The following HIVEP1 variants were observed in gnomAD, a reference collection of about 807,000 sequenced individuals.
The protein encoded by HIVEP1 is zinc finger protein 40.
Under a neutral mutation model 180.0 loss-of-function variants are expected in HIVEP1, and 36 were observed. That is an observed-to-expected ratio of 0.20 (90% CI 0.15 to 0.26). The LOEUF (loss-of-function observed/expected upper bound fraction) is 0.26, where lower values mean the gene tolerates loss of function less well. Ranked by LOEUF, HIVEP1 falls within the 10% of genes least tolerant of loss-of-function variation. The probability of loss-of-function intolerance (pLI) is 1.00; values close to 1 mark genes in which losing one functional copy is unlikely to be tolerated. For synonymous variants in HIVEP1, 1,239 were observed against 1,239.0 expected (o/e 1.00, Z 0.00); for missense variants, 3,143 against 3,268.7 (o/e 0.96, Z 0.94).
At chr6:12,046,478 GA>G (rs1561885249) in intron 2 of HIVEP1, among the ~76,000 whole-genome samples, 1 of 152,242 alleles carries the variant, frequency 6.6e-6, no homozygotes, top group East Asian at 1.9e-4. Flanking sequence ...GCAGACACTG[GA>G]GTTAGAATCC....
intron 2 of HIVEP1, among the ~76,000 whole-genome samples, chr6:12,049,958 C>T (rs966307239): frequency 6.6e-6 from 1 of 152,102 alleles, no homozygotes; most frequent in Non-Finnish European, 1.5e-5. Context: ...ATGTCACTTT[C>T]TGGGGTGTTG....
chr6:12,191,329 C>T, the HIVEP1 span, among the ~76,000 whole-genome samples: 6 of 152,170 alleles, frequency 3.9e-5, no homozygotes, highest in Admixed American at 2.0e-4. Flanking sequence ...GTGGCTCACA[C>T]CTCTAATCCC....
intron 2 of HIVEP1, among the ~76,000 whole-genome samples, chr6:12,027,716 T>G (rs868335915): frequency 2.0e-4 from 31 of 152,168 alleles, no homozygotes; most frequent in Admixed American, 1.1e-3. Flanking sequence ...CCCCTGTGAG[T>G]GGAGTGCCAG....
intron 3 of HIVEP1, among the ~76,000 whole-genome samples, chr6:12,108,489 T>C (rs1774622917): frequency 6.6e-6 from 1 of 151,808 alleles, no homozygotes; most frequent in Non-Finnish European, 1.5e-5. Flanking sequence ...ACGGAGGGGG[T>C]GGGAGGCTCA....
At chr6:12,008,229 G>GC (rs1031844683), upstream of HIVEP1, 2 of 152,200 alleles carry the variant, frequency 1.3e-5, no homozygotes, top group African/African-American at 4.8e-5. Flanking sequence ...TGTATGGAAA[G>GC]CATGTTATAG....
chr6:12,163,879 G>C lies in HIVEP1; in HGVS notation c.7575G>C (p.Leu2525=), dbSNP rs1204261636. The part of the protein sequence containing the change: ...LALNAVGLQV[L]TANPSSQSSP... Reference sequence around the variant, plus strand: ...TGAATGCTGTCGGACTGCAGGTTCTGACTGCAAACCCTTCATCACAAAGCA... The same window carrying C: ...TGAATGCTGTCGGACTGCAGGTTCTCACTGCAAACCCTTCATCACAAAGCA... Residue 2525 remains leucine (L), a synonymous_variant, in exon 9 of 9, where the codon CTG becomes CTC. Coordinates refer to ENST00000379388, the MANE Select transcript of HIVEP1 (RefSeq NM_002114.4). The C allele has an allele frequency of 6.2e-7, 1 of 1,614,040 alleles. No individual in the cohort carries two copies. The highest frequency in any genetic ancestry group is 8.5e-7 in the Non-Finnish European group (1 of 1,180,040).
Position 12,125,689 on chromosome 6 carries a change from A to C in HIVEP1, c.5894A>C (p.Tyr1965Ser). Reference protein sequence around the residue: ...LPQKDQKTSAYTDWTVSASNP... With the variant: ...LPQKDQKTSASTDWTVSASNP... Reference sequence around the variant, plus strand: ...CAGAAGGACCAGAAAACTTCAGCCTATACTGATTGGACAGTAAGCGCCAGT... The same window carrying C: ...CAGAAGGACCAGAAAACTTCAGCCTCTACTGATTGGACAGTAAGCGCCAGT... The change falls in exon 4 of 9, where the codon TAT (tyrosine) becomes TCT (serine). Residue 1965 changes from tyrosine (Y) to serine (S), a missense_variant. Physicochemically the swap from Tyr to Ser is moderately radical, Grantham distance 144 (BLOSUM62 -2). This residue lies in a region of HIVEP1 where 1,357 missense variants were observed against 1,260.5 expected (regional missense o/e 1.08). Transcript: ENST00000379388. The C allele has an allele frequency of 1.2e-6, 2 of 1,614,230 alleles. No homozygotes were observed. Among genetic ancestry groups the C allele is most frequent in the Non-Finnish European group, 1.7e-6 (2 of 1,180,034 alleles).
the HIVEP1 span, among the ~76,000 whole-genome samples, chr6:12,189,265 A>G: frequency 1.3e-5 from 2 of 152,122 alleles, no homozygotes; most frequent in African/African-American, 2.4e-5. Context: ...ATTTTTAATA[A>G]TATGAGAGTT....
chr6:12,025,140 A>G (rs1012831205), intron 2 of HIVEP1, among the ~76,000 whole-genome samples: 3 of 152,186 alleles, frequency 2.0e-5, no homozygotes, highest in Admixed American at 2.0e-4. Context: ...TCACATAGCT[A>G]GGAGTCTGCA....
At chr6:12,179,241 A>G in the HIVEP1 span, among the ~76,000 whole-genome samples, 1 of 152,154 alleles carries the variant, frequency 6.6e-6, no homozygotes. Context: ...TAATATATAG[A>G]TAGGGACCCA....
At chr6:12,199,431 G>A in the HIVEP1 span, among the ~76,000 whole-genome samples, 189 of 141,410 alleles carry the variant, frequency 1.3e-3, no homozygotes, top group African/African-American at 4.8e-3. Context: ...GCGTGATCTC[G>A]GCTTACCGCA....
chr6:12,041,283 A>G (rs542997135), intron 2 of HIVEP1, among the ~76,000 whole-genome samples: 7 of 152,044 alleles, frequency 4.6e-5, no homozygotes, highest in East Asian at 3.9e-4. Context: ...CTAGCCGGGC[A>G]TGGTGGTGGG....
chr6:12,209,654 C>A, the HIVEP1 span, among the ~76,000 whole-genome samples: 218 of 152,244 alleles, frequency 1.4e-3, 2 homozygotes, highest in Middle Eastern at 6.8e-3. Flanking sequence ...TAATAATAAT[C>A]ATCATAATAC....
At chr6:12,154,018 G>A (rs1234615498) in intron 7 of HIVEP1, among the ~76,000 whole-genome samples, 2 of 152,200 alleles carry the variant, frequency 1.3e-5, no homozygotes, top group African/African-American at 4.8e-5. Flanking sequence ...CATGGTGGCG[G>A]ATGCCTGTGA....
chr6:12,123,704 C>T lies in HIVEP1; in HGVS notation c.3909C>T (p.Ser1303=). The T allele has an allele frequency of 1.2e-6, 2 of 1,614,056 alleles. No individual in the cohort carries two copies. The highest frequency in any genetic ancestry group is 1.7e-6 in the Non-Finnish European group (2 of 1,179,968). ...STESSFDSTL[S]RSLSRESSLS... is the part of the protein sequence containing the mutation. ...AATCGAGCTTTGATTCCACTCTCTC[C>T]AGGAGTCTAAGTAGGGAGAGCAGTT... The change falls in exon 4 of 9, where the codon TCC becomes TCT. Residue 1303 remains serine, a synonymous_variant. Coordinates refer to ENST00000379388, the MANE Select transcript of HIVEP1 (RefSeq NM_002114.4).
chr6:12,015,061 G>T (rs935762048), intron 1 of HIVEP1, among the ~76,000 whole-genome samples: 1 of 152,236 alleles, frequency 6.6e-6, no homozygotes, highest in Non-Finnish European at 1.5e-5. Flanking sequence ...GAAACACAGG[G>T]AAGCAGAAAG....
the HIVEP1 span, among the ~76,000 whole-genome samples, chr6:12,185,891 G>A: frequency 2.0e-5 from 3 of 152,148 alleles, no homozygotes; most frequent in African/African-American, 7.2e-5. Context: ...CTGGTTTATT[G>A]AAATGTTATA....
chr6:12,191,686 G>A, the HIVEP1 span, among the ~76,000 whole-genome samples: 60 of 152,128 alleles, frequency 3.9e-4, no homozygotes, highest in Middle Eastern at 3.4e-3. Context: ...AGTCAATATC[G>A]TTTGATTAAT....
chr6:12,014,949 G>A (rs1391550003), intron 1 of HIVEP1, among the ~76,000 whole-genome samples: 1 of 152,234 alleles, frequency 6.6e-6, no homozygotes, highest in African/African-American at 2.4e-5. Context: ...AGAGAGAAGA[G>A]CTCTGGAGGA....
Sources: allele counts gnomAD v4.1 joint callset (sites outside exome capture counted in the v4.1 genomes callset), GRCh38; gene constraint gnomAD v4.1.1; regional missense constraint gnomAD v4.1.1; transcripts MANE v1.5; gene names NCBI Gene and HGNC (gene_info 2026-07-23, HGNC 2026-07-21).